Variants in DICER1 observed in about 807,000 individuals in gnomAD.
DICER1 encodes the protein dicer 1, ribonuclease III.
Under a neutral mutation model 194.1 loss-of-function variants are expected in DICER1, and 43 were observed. That is an observed-to-expected ratio of 0.22 (90% CI 0.17 to 0.29). DICER1 has a LOEUF of 0.29. DICER1 is among the 10% of genes least tolerant of loss of function. The pLI, the probability that DICER1 is intolerant of heterozygous loss-of-function variation, is 1.00. For synonymous variants in DICER1, 832 were observed against 820.5 expected (o/e 1.01, Z -0.24); for missense variants, 1,608 against 2,317.0 (o/e 0.69, Z 6.28).
chr14:95,129,884 TA>T (rs1215634196), intron 5 of DICER1, among the ~76,000 whole-genome samples, 173 bp downstream of exon 5: 2 of 152,236 alleles, frequency 1.3e-5, no homozygotes, highest in Non-Finnish European at 2.9e-5. Context: ...TTATGATGTT[TA>T]AAAGTTTATT....
intron 22 of DICER1, among the ~76,000 whole-genome samples, chr14:95,097,263 G>A (rs557059481): frequency 6.6e-6 from 1 of 152,138 alleles, no homozygotes; most frequent in South Asian, 2.1e-4. Context: ...TTATAATAAA[G>A]CTTTTTGTCC....
At chr14:95,147,311 T>C (rs1424267741) in intron 1 of DICER1, among the ~76,000 whole-genome samples, 2 of 151,930 alleles carry the variant, frequency 1.3e-5, no homozygotes, top group East Asian at 3.9e-4. Flanking sequence ...ACTAAAAATA[T>C]AAAAATTAGC....
intron 7 of DICER1, among the ~76,000 whole-genome samples, chr14:95,126,024 T>C (rs1204703453): frequency 6.6e-6 from 1 of 152,034 alleles, no homozygotes; most frequent in African/African-American, 2.4e-5. Flanking sequence ...TCTAGGGCAG[T>C]GGTTCTCGAG....
intron 1 of DICER1, chr14:95,141,063 G>T (rs1894798463): frequency 6.6e-6 from 1 of 152,052 alleles, no homozygotes; most frequent in Non-Finnish European, 1.5e-5. Flanking sequence ...AAAGTCTAAA[G>T]ATGGTATTTT....
At chr14:95,128,797 A>G (rs965875363) in intron 6 of DICER1, among the ~76,000 whole-genome samples, 2 of 152,232 alleles carry the variant, frequency 1.3e-5, no homozygotes, top group African/African-American at 4.8e-5. Flanking sequence ...AAGAACCACC[A>G]CTAGGTAATC....
intron 1 of DICER1, among the ~76,000 whole-genome samples, chr14:95,150,633 G>A (rs1207762516): frequency 6.6e-6 from 1 of 152,186 alleles, no homozygotes; most frequent in African/African-American, 2.4e-5. Context: ...ATCATTAATG[G>A]ATGCTAAAAC....
At chr14:95,111,576 G>A in intron 13 of DICER1, 120 bp from the exon 14 acceptor site, 1 of 1,107,236 alleles carries the variant, frequency 9.0e-7, no homozygotes, top group East Asian at 2.4e-5. Flanking sequence ...AAGCACCTTT[G>A]CCTTTTACAA....
intron 7 of DICER1, among the ~76,000 whole-genome samples, chr14:95,125,886 G>A (rs908167742): frequency 6.6e-6 from 1 of 151,828 alleles, no homozygotes. Context: ...AAGGGAAAAG[G>A]AAAGGAAGAA....
At chr14:95,108,189 G>GA in intron 15 of DICER1, 96 bp from the exon 16 acceptor site, 1 of 1,286,754 alleles carries the variant, frequency 7.8e-7, no homozygotes, top group Admixed American at 1.7e-5. Context: ...TTCTAGTGGA[G>GA]AAATAGAAGA....
intron 1 of DICER1, among the ~76,000 whole-genome samples, chr14:95,139,248 ATTC>A (rs1894668245): frequency 6.6e-6 from 1 of 152,218 alleles, no homozygotes; most frequent in East Asian, 1.9e-4. Flanking sequence ...TTTTATATGA[ATTC>A]TTATTTAGAA....
chr14:95,086,519 G>GTT lies in DICER1; in HGVS notation c.*3978_*3979insAA, dbSNP rs1243100804. 8.6e-6 allele frequency: 2 copies of GTT among 233,212 alleles called. No individual in the cohort carries two copies. The highest frequency in any genetic ancestry group is 4.4e-5 in the African/African-American group (2 of 45,326). The allele number at this position is 233,212 out of a possible 1,614,324, so 14.4% of individuals were successfully genotyped here. On this transcript the variant is annotated 3_prime_UTR_variant, in exon 27 of 27. Transcript: ENST00000343455. ...CTGTTCACCTTTGCATTTTTGCTATGTAACCTGCTGCTGCAGTGAATTCTT... is the reference window on the plus strand; with the variant it reads ...CTGTTCACCTTTGCATTTTTGCTATGTTTAACCTGCTGCTGCAGTGAATTCTT...
At position 95,117,738 on chromosome 14, in the gene DICER1, C is replaced by T; in HGVS notation, c.1393G>A (p.Gly465Ser). ...VVLNRLIKEAGKQDPELAYIS... is the reference protein window; with the variant it reads ...VVLNRLIKEASKQDPELAYIS... ...TAAGCCAGCTCTGGATCTTGTTTGC[C>T]AGCTTCCTTTATCAATCTAAGAAAA... is the stretch of plus-strand genomic sequence containing the variant. Residue 465 changes from glycine (G) to serine (S), a missense_variant, in exon 9 of 27, where the codon GGC becomes AGC. Coordinates refer to ENST00000343455, the MANE Select transcript of DICER1 (RefSeq NM_177438.3). 1 of 1,613,858 alleles carries T rather than the reference C, an allele frequency of 6.2e-7. No homozygotes were observed. Among genetic ancestry groups the T allele is most frequent in the Non-Finnish European group, 8.5e-7 (1 of 1,179,820 alleles).
intron 22 of DICER1, among the ~76,000 whole-genome samples, chr14:95,097,947 A>G (rs1395041535): frequency 6.6e-6 from 1 of 152,232 alleles, no homozygotes; most frequent in Non-Finnish European, 1.5e-5. Flanking sequence ...AGACTTTCCA[A>G]GGCAACATGA....
At position 95,124,597 on chromosome 14, in the gene DICER1, C is replaced by T. The variant is rs1260695579; in HGVS notation, c.975G>A (p.Met325Ile). 1 of 1,613,764 alleles carries T rather than the reference C, an allele frequency of 6.2e-7. No individual in the cohort carries two copies. Among genetic ancestry groups the T allele is most frequent in the Non-Finnish European group, 8.5e-7 (1 of 1,180,034 alleles). ...TGATGTATTTCTGTAGTTCTCTTACCATCATTCCAGCTACTTTATCTGCAC... is the reference window on the plus strand; with the variant it reads ...TGATGTATTTCTGTAGTTCTCTTACTATCATTCCAGCTACTTTATCTGCAC... Reference protein sequence around the residue: ...PWCADKVAGMMVRELQKYIKH... With the variant: ...PWCADKVAGMIVRELQKYIKH... The change falls in exon 8 of 27, where the codon ATG (methionine) becomes ATA (isoleucine). Residue 325 changes from methionine (M) to isoleucine (I), a missense_variant. Met to Ile is a conservative substitution (Grantham distance 10). This residue lies in a region of DICER1 where 657 missense variants were observed against 910.1 expected (regional missense o/e 0.72). Coordinates refer to ENST00000343455, the MANE Select transcript of DICER1 (RefSeq NM_177438.3). This position sits in a 1 kb window ranked among gnomAD's most constrained non-coding sequence, Gnocchi z 4.5.
rs559338638 is a variant in DICER1 at position 95,096,781 on chromosome 14, A to G, written c.4207-68T>C. The G allele has an allele frequency of 1.1e-4, 170 of 1,517,968 alleles. No individual in the cohort carries two copies. In the African/African-American group the frequency reaches 2.0e-3, roughly 18 times the overall value. 94.0% of individuals were successfully genotyped at this position (1,517,968 alleles called of 1,614,324 possible). On this transcript the variant is annotated intron_variant, in intron 22 of 26. Coordinates refer to ENST00000343455, the MANE Select transcript of DICER1 (RefSeq NM_177438.3). ...TGTTTTTAAAAGGGTTTGAAACTCA[A>G]TAAAAGCAAGGGTTATGGATAATTT...
chr14:95,110,965 T>C (rs1891901849), intron 14 of DICER1, among the ~76,000 whole-genome samples: 1 of 152,216 alleles, frequency 6.6e-6, no homozygotes, highest in Non-Finnish European at 1.5e-5. Flanking sequence ...CTCTTCTGTC[T>C]TAGCCCCAAA....
At position 95,124,602 on chromosome 14, in the gene DICER1, T is replaced by C. The variant is rs1452957166; in HGVS notation, c.970A>G (p.Met324Val). The C allele has an allele frequency of 6.2e-7, 1 of 1,613,680 alleles. No homozygotes were observed. The highest frequency in any genetic ancestry group is 8.5e-7 in the Non-Finnish European group (1 of 1,180,034). The change falls in exon 8 of 27, where the codon ATG becomes GTG. Residue 324 changes from methionine (M) to valine (V), a missense_variant. Around this residue, in one of 10 missense-constraint regions of DICER1, gnomAD observed 657 missense variants for 910.1 expected, o/e 0.72. Coordinates refer to ENST00000343455, the MANE Select transcript of DICER1 (RefSeq NM_177438.3). The surrounding 1 kb of genome is among the most constrained non-coding windows in gnomAD (Gnocchi z 4.5). Reference sequence around the variant, plus strand: ...TATTTCTGTAGTTCTCTTACCATCATTCCAGCTACTTTATCTGCACACCAG... The same window carrying C: ...TATTTCTGTAGTTCTCTTACCATCACTCCAGCTACTTTATCTGCACACCAG... ...GPWCADKVAG[M>V]MVRELQKYIK...
intron 6 of DICER1, 83 bp from the exon 7 acceptor site, chr14:95,126,831 A>AG: frequency 1.2e-6 from 1 of 803,532 alleles, no homozygotes; most frequent in Non-Finnish European, 2.0e-6. Flanking sequence ...GCAAAAAAAA[A>AG]AAAAAGGGAA....
At chr14:95,156,976 G>A (rs1027432477) in intron 1 of DICER1, among the ~76,000 whole-genome samples, 1 of 152,136 alleles carries the variant, frequency 6.6e-6, no homozygotes, top group Non-Finnish European at 1.5e-5. Context: ...AAGTCTCCCA[G>A]GGCTGCCTCG....
Sources: allele counts gnomAD v4.1 joint callset (sites outside exome capture counted in the v4.1 genomes callset), GRCh38; gene constraint gnomAD v4.1.1; regional missense constraint gnomAD v4.1.1; non-coding constraint Gnocchi (gnomAD v3.1); transcripts MANE v1.5; gene names NCBI Gene and HGNC (gene_info 2026-07-23, HGNC 2026-07-21).